Variants in CACNA1B observed in about 807,000 individuals in gnomAD.
CACNA1B encodes the protein calcium voltage-gated channel subunit alpha1 B, also known as voltage-dependent N-type calcium channel subunit alpha-1B.
Under a neutral mutation model 247.2 loss-of-function variants are expected in CACNA1B, and 70 were observed. The ratio of observed to expected loss-of-function variants is 0.28; its 90% confidence interval spans 0.23 to 0.35. The LOEUF (loss-of-function observed/expected upper bound fraction) is 0.35. Ranked by LOEUF, CACNA1B falls within the 10% of genes least tolerant of loss-of-function variation. The pLI is 1.00. For missense variants in CACNA1B, 2,367 were observed against 3,197.4 expected, an observed-to-expected ratio of 0.74 and a Z score of 6.26; for synonymous variants, 1,231 against 1,294.4, an observed-to-expected ratio of 0.95 and a Z score of 1.05.
At chr9:137,908,431 G>A (rs944059633) in intron 3 of CACNA1B, among the ~76,000 whole-genome samples, 2 of 151,692 alleles carry the variant, frequency 1.3e-5, no homozygotes, top group South Asian at 2.1e-4. Flanking sequence ...CAGGAGAATC[G>A]CTTGAACCCA....
intron 6 of CACNA1B, among the ~76,000 whole-genome samples, chr9:137,940,942 C>CGGT (rs1408296980): frequency 5.9e-5 from 9 of 152,122 alleles, no homozygotes; most frequent in African/African-American, 2.2e-4. Flanking sequence ...CTATGACAAA[C>CGGT]CCACAGTCAA....
chr9:138,118,639 G>C lies in CACNA1B; in HGVS notation c.5914-13G>C. ...CCTTGTGTGGTGGGACTAGGTGAGT[G>C]CTGTATCCACAGGCTGTGGACGTTC... On this transcript the variant is annotated splice_polypyrimidine_tract_variant and intron_variant, in intron 43 of 46. Coordinates refer to ENST00000371372, the MANE Select transcript of CACNA1B (RefSeq NM_000718.4). 7.6e-7 allele frequency: 1 copy of C among 1,314,438 alleles called. No homozygotes were observed. 81.4% of individuals were successfully genotyped at this position (1,314,438 alleles called of 1,614,324 possible).
intron 36 of CACNA1B, among the ~76,000 whole-genome samples, chr9:138,083,511 C>T (rs761632832): frequency 6.6e-6 from 1 of 150,694 alleles, no homozygotes; most frequent in Non-Finnish European, 1.5e-5. Context: ...GGAAATGGTG[C>T]GTTGGCCACC....
rs1178165133 is a variant in CACNA1B, at chr9:138,020,358, C to T, written c.2268-2653C>T. On this transcript the variant is annotated intron_variant, in intron 18 of 46. Coordinates refer to ENST00000371372, the MANE Select transcript of CACNA1B (RefSeq NM_000718.4). The surrounding 1 kb of genome is among the most constrained non-coding windows in gnomAD (Gnocchi z 4.1). ...GGGGTGCCAGTCGTCCATGTGACTTCCTTAAAGAACCCTTTTAAACCAGGA... is the reference window on the plus strand; with the variant it reads ...GGGGTGCCAGTCGTCCATGTGACTTTCTTAAAGAACCCTTTTAAACCAGGA... Among the ~76,000 whole-genome samples, 2 of 152,196 alleles carry T rather than the reference C, an allele frequency of 1.3e-5. No individual in the cohort carries two copies. Among genetic ancestry groups the T allele is most frequent in the East Asian group, 1.9e-4 (1 of 5,184 alleles).
intron 40 of CACNA1B, 76 bp downstream of exon 40, chr9:138,112,581 G>A: frequency 1.0e-6 from 1 of 983,818 alleles, no homozygotes; most frequent in Non-Finnish European, 1.6e-6. Context: ...GGCTGTGGAG[G>A]TGAGGGTGAG....
At chr9:138,086,863 C>G (rs973224786) in intron 36 of CACNA1B, among the ~76,000 whole-genome samples, 2 of 151,434 alleles carry the variant, frequency 1.3e-5, no homozygotes, top group East Asian at 4.0e-4. Context: ...GCATGGTACA[C>G]ATTAGCTGCT....
At chr9:138,116,151 G>A (rs961508242) in intron 42 of CACNA1B, among the ~76,000 whole-genome samples, 19 of 152,158 alleles carry the variant, frequency 1.2e-4, no homozygotes, top group African/African-American at 4.1e-4. Flanking sequence ...GCCAGCAGAC[G>A]CTGAGATTCC....
At chr9:138,096,670 G>A in intron 37 of CACNA1B, 59 bp downstream of exon 37, 1 of 1,548,484 alleles carries the variant, frequency 6.5e-7, no homozygotes, top group Middle Eastern at 1.7e-4. Flanking sequence ...TAGATCTTGG[G>A]ATGGGCCTGG....
Position 137,971,514 on chromosome 9 carries a change from C to G in CACNA1B, c.1465C>G (p.Leu489Val), listed in dbSNP as rs753521433. ...VKAQSFYWVV[L>V]CVVALNTLCV... ...GGCTCAGAGCTTCTACTGGGTGGTG[C>G]TGTGCGTGGTGGCCCTGAACACACT... Residue 489 changes from leucine (L) to valine (V), a missense_variant, in exon 11 of 47, where the codon CTG becomes GTG. Coordinates refer to ENST00000371372, the MANE Select transcript of CACNA1B (RefSeq NM_000718.4). The surrounding 1 kb of genome is among the most constrained non-coding windows in gnomAD (Gnocchi z 4.4). The G allele has an allele frequency of 6.2e-7, 1 of 1,613,776 alleles. No homozygotes were observed. Among genetic ancestry groups the G allele is most frequent in the Non-Finnish European group, 8.5e-7 (1 of 1,179,802 alleles).
At chr9:138,035,409 T>C (rs1270829695) in intron 20 of CACNA1B, among the ~76,000 whole-genome samples, 1 of 152,042 alleles carries the variant, frequency 6.6e-6, no homozygotes, top group Non-Finnish European at 1.5e-5. Flanking sequence ...CAGTGAGCCG[T>C]GAGCTGTGAT....
At chr9:138,074,379 T>C (rs965188823) in intron 34 of CACNA1B, among the ~76,000 whole-genome samples, 3 of 152,078 alleles carry the variant, frequency 2.0e-5, no homozygotes, top group African/African-American at 7.2e-5. Context: ...TAGCTGGGAT[T>C]ATAGATGTGT....
chr9:138,114,439 G>C lies in CACNA1B; in HGVS notation c.5598G>C (p.Gln1866His). ...AALMIFDFYK[Q>H]NKTTRDQMQQ... ...TGATGATATTCGACTTCTACAAGCA[G>C]AACAAAACCACCAGAGACCAGATGC... is the stretch of plus-strand genomic sequence containing the variant. Residue 1866 changes from glutamine to histidine, a missense_variant, in exon 41 of 47, where the codon CAG becomes CAC. Coordinates refer to ENST00000371372, the MANE Select transcript of CACNA1B (RefSeq NM_000718.4). 6.3e-7 allele frequency: 1 copy of C among 1,594,608 alleles called. No individual in the cohort carries two copies. The highest frequency in any genetic ancestry group is 2.3e-5 in the East Asian group (1 of 44,292).
chr9:138,094,440 A>G (rs1324048156), intron 36 of CACNA1B, among the ~76,000 whole-genome samples: 1 of 134,486 alleles, frequency 7.4e-6, no homozygotes, highest in East Asian at 2.7e-4. Context: ...TCTTTACTAC[A>G]GTAAAAAAAA....
chr9:137,915,496 A>G (rs530283642), intron 5 of CACNA1B, among the ~76,000 whole-genome samples: 46 of 152,166 alleles, frequency 3.0e-4, no homozygotes, highest in Admixed American at 8.5e-4. Context: ...AGAGTTAAGG[A>G]TGAAGCTAAG....
intron 6 of CACNA1B, among the ~76,000 whole-genome samples, chr9:137,922,535 G>A (rs1309435782): frequency 1.3e-5 from 2 of 152,128 alleles, no homozygotes; most frequent in African/African-American, 2.4e-5. Context: ...TGGCAAGGGC[G>A]GTCTCAGTGG....
Position 138,023,432 on chromosome 9 carries a change from G to T in CACNA1B, c.2689G>T (p.Ala897Ser). The T allele has an allele frequency of 7.9e-7, 1 of 1,271,358 alleles. No homozygotes were observed. The highest frequency in any genetic ancestry group is 9.9e-7 in the Non-Finnish European group (1 of 1,013,194). The allele number at this position is 1,271,358 out of a possible 1,614,324, so 78.8% of individuals were successfully genotyped here. A position where few individuals can be genotyped will look rare whatever the true frequency, so the allele number is the denominator to read the frequency against. The stretch of plus-strand genomic sequence containing the variant: ...GCACCGCAGCCACAGCAAGGAGGCC[G>T]CGGGGCCCCCGGAGGCGCGGAGCGA... ...RPHRSHSKEA[A>S]GPPEARSERG... The change falls in exon 19 of 47, where the codon GCG becomes TCG. Residue 897 changes from alanine (A) to serine (S), a missense_variant. Physicochemically the swap from Ala to Ser is moderately conservative, Grantham distance 99. This residue lies in a region of CACNA1B where 631 missense variants were observed against 631.1 expected (regional missense o/e 1.00). Transcript: ENST00000371372.
chr9:138,107,643 G>A (rs895439012), intron 39 of CACNA1B, among the ~76,000 whole-genome samples: 4 of 151,898 alleles, frequency 2.6e-5, no homozygotes, highest in Non-Finnish European at 5.9e-5. Context: ...TCTGCCCTTG[G>A]CCCCTTCTGT....
chr9:137,925,889 C>T (rs370166664), intron 6 of CACNA1B, among the ~76,000 whole-genome samples: 3 of 150,318 alleles, frequency 2.0e-5, no homozygotes, highest in Admixed American at 6.6e-5. Context: ...ACTACAGGCA[C>T]GCGCCACCAT....
In CACNA1B at chr9:138,102,933, G is replaced by A. The variant is rs942722064; in HGVS notation, c.5319+126G>A. ...CTGTCTGTCTGCCGCTCTGCTGTGC[G>A]CCCCCGGCTGCCTCACTGTGTCTTT... On this transcript the variant is annotated intron_variant, in intron 38 of 46. Transcript: ENST00000371372. The surrounding 1 kb of genome is among the most constrained non-coding windows in gnomAD (Gnocchi z 5.4). 7 of 593,162 alleles carry A rather than the reference G, an allele frequency of 1.2e-5. No homozygotes were observed. Among genetic ancestry groups the A allele is most frequent in the East Asian group, 3.0e-5 (1 of 33,474 alleles). The allele number at this position is 593,162 out of a possible 1,614,324, so 36.7% of individuals were successfully genotyped here.
Sources: gnomAD v4.1 joint callset for allele counts (sites outside exome capture counted in the v4.1 genomes callset) on GRCh38, gnomAD v4.1.1 for gene constraint, gnomAD v4.1.1 regional missense constraint, Gnocchi (gnomAD v3.1) non-coding constraint, MANE v1.5 for transcripts, NCBI Gene and HGNC (gene_info 2026-07-23, HGNC 2026-07-21) for gene names.